Variants in UGT2A1 observed in about 807,000 individuals in gnomAD.
UGT2A1 encodes UDP-glucuronosyltransferase 2A1.
In UGT2A1, 61 loss-of-function variants were observed where a neutral mutation model predicts 45.4. That is an observed-to-expected ratio of 1.34 (90% CI 1.09 to 1.66). The LOEUF (loss-of-function observed/expected upper bound fraction) is 1.66, where lower values mean the gene tolerates loss of function less well. Among genes scored for constraint, UGT2A1 ranks in the 40% most tolerant of loss-of-function variants. The pLI is 0.00. For synonymous variants in UGT2A1, 229 were observed against 196.2 expected (o/e 1.17, Z -1.40); for missense variants, 649 against 574.3 (o/e 1.13, Z -1.33).
chr4:69,605,202 A>G lies in UGT2A1; in HGVS notation c.848-5808T>C, dbSNP rs977295914. 5.1e-5 allele frequency among the ~76,000 whole-genome samples: 7 copies of G among 137,066 alleles called. 1 individual carries two copies. Among genetic ancestry groups the G allele is most frequent in the Non-Finnish European group, 9.3e-5 (6 of 64,372 alleles). The allele number at this position is 137,066 out of a possible 152,430, so 89.9% of individuals were successfully genotyped here. The stretch of plus-strand genomic sequence containing the variant: ...CACTCCTCAGCAAATGTAAAAGAAC[A>G]GAAATTATAACAAACTGTCTCTCAG... On this transcript the variant is annotated intron_variant, in intron 3 of 6. Coordinates refer to ENST00000286604, the MANE Select transcript of UGT2A1 (RefSeq NM_001252275.3).
chr4:69,642,047 C>T (rs1722070645), intron 2 of UGT2A1, among the ~76,000 whole-genome samples: 1 of 151,750 alleles, frequency 6.6e-6, no homozygotes, highest in East Asian at 1.9e-4. Flanking sequence ...CAGTCACTCT[C>T]AGTCTTTAGG....
chr4:69,627,630 G>GA (rs1721164630), intron 3 of UGT2A1, among the ~76,000 whole-genome samples: 2 of 150,724 alleles, frequency 1.3e-5, no homozygotes, highest in Admixed American at 1.3e-4. Flanking sequence ...AAAGAAAAAA[G>GA]AAAATCTCCT....
chr4:69,609,676 C>A (rs534140676), intron 3 of UGT2A1, among the ~76,000 whole-genome samples: 6 of 138,602 alleles, frequency 4.3e-5, no homozygotes, highest in Non-Finnish European at 9.5e-5. Flanking sequence ...ATTTCTATAC[C>A]TATACCCACA....
At chr4:69,591,005 G>C (rs1718567218) in intron 6 of UGT2A1, among the ~76,000 whole-genome samples, 1 of 152,140 alleles carries the variant, frequency 6.6e-6, no homozygotes, top group Non-Finnish European at 1.5e-5. Flanking sequence ...TATACCTTGT[G>C]TTCCCAGAGG....
chr4:69,603,702 C>G (rs1719433685), intron 3 of UGT2A1: 1 of 135,740 alleles, frequency 7.4e-6, no homozygotes, highest in African/African-American at 3.0e-5. Context: ...CTAGAATCAC[C>G]AATGAAGAAA....
Position 69,602,434 on chromosome 4 carries a change from A to G in UGT2A1, c.848-3040T>C, listed in dbSNP as rs981945960. 1.1e-4 allele frequency among the ~76,000 whole-genome samples: 14 copies of G among 126,236 alleles called. 1 individual carries two copies. The East Asian group carries it at 2.9e-3, about 26-fold the overall frequency. 82.8% of individuals were successfully genotyped at this position (126,236 alleles called of 152,430 possible). ...TTTACTGCAGTTAAACAAGAAAAAC[A>G]ATTTTTAGAATAACAAAGATTTAGG... On this transcript the variant is annotated intron_variant, in intron 3 of 6. Transcript: ENST00000286604.
intron 2 of UGT2A1, among the ~76,000 whole-genome samples, chr4:69,640,706 T>C (rs1722005759): frequency 6.6e-6 from 1 of 151,904 alleles, no homozygotes; most frequent in Non-Finnish European, 1.5e-5. Flanking sequence ...TTTCAGGCCC[T>C]TGAGTAACAA....
In UGT2A1 at chr4:69,594,604, T is replaced by C. The variant is rs778735022; in HGVS notation, c.1177A>G (p.Met393Val). Residue 393 changes from methionine (M) to valine (V), a missense_variant, in exon 6 of 7, where the codon ATG becomes GTG. Physicochemically the swap from Met to Val is conservative, Grantham distance 21 (BLOSUM62 1). Coordinates refer to ENST00000286604, the MANE Select transcript of UGT2A1 (RefSeq NM_001252275.3). The stretch of plus-strand genomic sequence containing the variant: ...ATGTTATCAGGCTGATCAGCAAACA[T>C]GGGAACTCCCACCATAGGGACTCCG... ...YHGVPMVGVP[M>V]FADQPDNIAH... The C allele has an allele frequency of 2.5e-6, 4 of 1,614,098 alleles. No homozygotes were observed. The highest frequency in any genetic ancestry group is 3.4e-6 in the Non-Finnish European group (4 of 1,180,034).
At chr4:69,636,262 C>T (rs7662309) in intron 2 of UGT2A1, among the ~76,000 whole-genome samples, 122,806 of 152,110 alleles carry the variant, frequency 0.81, 49,807 homozygotes, top group African/African-American at 0.88. Context: ...AGCTCTCCTG[C>T]GGTCAAACAT....
intron 2 of UGT2A1, among the ~76,000 whole-genome samples, chr4:69,646,202 A>G (rs1327879835): frequency 1.3e-5 from 2 of 151,878 alleles, no homozygotes; most frequent in African/African-American, 4.8e-5. Context: ...TAAGAAATCT[A>G]TAATTAATGA....
chr4:69,632,683 T>C (rs1311534270), intron 3 of UGT2A1, among the ~76,000 whole-genome samples: 1 of 151,288 alleles, frequency 6.6e-6, no homozygotes, highest in African/African-American at 2.4e-5. Flanking sequence ...AAGTCAAGAG[T>C]TTGAGACCTG....
intron 2 of UGT2A1, among the ~76,000 whole-genome samples, chr4:69,638,613 G>A (rs1721855962): frequency 6.6e-6 from 1 of 152,004 alleles, no homozygotes; most frequent in South Asian, 2.1e-4. Context: ...ATCCTAATAT[G>A]GGCACTTTCA....
At chr4:69,610,543 T>A (rs1160955674) in intron 3 of UGT2A1, among the ~76,000 whole-genome samples, 1 of 152,196 alleles carries the variant, frequency 6.6e-6, no homozygotes, top group Non-Finnish European at 1.5e-5. Context: ...GTTTTAAAAA[T>A]CAGTGTTATG....
intron 2 of UGT2A1, among the ~76,000 whole-genome samples, chr4:69,642,896 T>C (rs1465487009): frequency 6.6e-6 from 1 of 151,638 alleles, no homozygotes; most frequent in East Asian, 1.9e-4. Flanking sequence ...GTATTTTTAA[T>C]GATAAAAATG....
chr4:69,625,297 G>T (rs1410948583), intron 3 of UGT2A1, among the ~76,000 whole-genome samples: 1 of 150,238 alleles, frequency 6.7e-6, no homozygotes, highest in Non-Finnish European at 1.5e-5. Flanking sequence ...TTGGTTAATT[G>T]AACTTCTTGG....
intron 3 of UGT2A1, among the ~76,000 whole-genome samples, chr4:69,618,954 A>C (rs1720574821): frequency 6.6e-6 from 1 of 151,950 alleles, no homozygotes; most frequent in African/African-American, 2.4e-5. Flanking sequence ...ATGTTGTTTA[A>C]CATACTTTAA....
chr4:69,643,776 G>T (rs918977953), intron 2 of UGT2A1, among the ~76,000 whole-genome samples: 5 of 151,602 alleles, frequency 3.3e-5, no homozygotes, highest in African/African-American at 1.2e-4. Context: ...AGGTGAGGCT[G>T]TTCGAGGCCT....
Position 69,589,232 on chromosome 4 carries a change from C to T in UGT2A1, c.*140G>A, listed in dbSNP as rs866694061. 2.0e-5 allele frequency: 22 copies of T among 1,103,524 alleles called. No homozygotes were observed. Among genetic ancestry groups the T allele is most frequent in the Non-Finnish European group, 2.6e-5 (21 of 812,906 alleles). 68.4% of individuals were successfully genotyped at this position (1,103,524 alleles called of 1,614,324 possible). A position where few individuals can be genotyped will look rare whatever the true frequency, so the allele number is the denominator to read the frequency against. ...ATCTAGGCTTTATCAGTAGGCTTAT[C>T]GCAGGTAGAGAAATAGAAAATTTGG... is the stretch of plus-strand genomic sequence containing the variant. On this transcript the variant is annotated 3_prime_UTR_variant, in exon 7 of 7. Transcript: ENST00000286604.
chr4:69,640,667 T>C (rs1722003429), intron 2 of UGT2A1, among the ~76,000 whole-genome samples: 1 of 151,892 alleles, frequency 6.6e-6, no homozygotes, highest in African/African-American at 2.4e-5. Context: ...GATTTTAAGT[T>C]TATACTCAAT....
Sources: allele counts gnomAD v4.1 joint callset (sites outside exome capture counted in the v4.1 genomes callset), GRCh38; gene constraint gnomAD v4.1.1; transcripts MANE v1.5; gene names NCBI Gene and HGNC (gene_info 2026-07-23, HGNC 2026-07-21).